The following PALD1 variants were observed in gnomAD, a reference collection of about 807,000 sequenced individuals.
PALD1 encodes phosphatase domain containing paladin 1.
PALD1 carries 57 observed loss-of-function variants against 96.0 expected under a neutral mutation model. That is an observed-to-expected ratio of 0.59 (90% CI 0.48 to 0.74). The LOEUF (loss-of-function observed/expected upper bound fraction) is 0.74. Among genes scored for constraint, PALD1 ranks in the 30% least tolerant of loss-of-function variants. The pLI, the probability that PALD1 is intolerant of heterozygous loss-of-function variation, is 0.00. For missense variants in PALD1, 1,063 were observed against 1,143.7 expected (o/e 0.93, Z 1.02); for synonymous variants, 464 against 473.6 (o/e 0.98, Z 0.26).
intron 1 of PALD1, among the ~76,000 whole-genome samples, chr10:70,507,111 A>T (rs6480457): frequency 0.69 from 104,271 of 151,946 alleles, 35,963 homozygotes; most frequent in Middle Eastern, 0.78. Context: ...ATTAAAAAAA[A>T]TTTTTTTAGG....
chr10:70,563,191 C>T (rs1048400787), intron 18 of PALD1, among the ~76,000 whole-genome samples: 1 of 152,148 alleles, frequency 6.6e-6, no homozygotes, highest in African/African-American at 2.4e-5. Flanking sequence ...AACCGCTGAC[C>T]TGGGATAAAC....
At chr10:70,476,360 A>G (rs531876599), upstream of PALD1, among the ~76,000 whole-genome samples, 3 of 152,160 alleles carry the variant, frequency 2.0e-5, no homozygotes, top group African/African-American at 7.2e-5. Flanking sequence ...CTCCTTCAAC[A>G]TTCAGTCCTT....
At chr10:70,554,770 C>T (rs1847558525) in intron 18 of PALD1, among the ~76,000 whole-genome samples, 2 of 151,856 alleles carry the variant, frequency 1.3e-5, no homozygotes, top group Non-Finnish European at 1.5e-5. Flanking sequence ...TCCTGTTTTC[C>T]TTTCAGAAGA....
intron 1 of PALD1, among the ~76,000 whole-genome samples, chr10:70,519,254 A>G (rs1421184428): frequency 3.9e-5 from 6 of 152,006 alleles, no homozygotes; most frequent in Admixed American, 3.9e-4. Flanking sequence ...CTAATATTTC[A>G]GTCCATTCAG....
chr10:70,527,512 G>A (rs547126375), intron 2 of PALD1, among the ~76,000 whole-genome samples: 1 of 152,184 alleles, frequency 6.6e-6, no homozygotes, highest in Non-Finnish European at 1.5e-5. Flanking sequence ...AGTATCTGTG[G>A]ATGCTTAGGG....
intron 18 of PALD1, among the ~76,000 whole-genome samples, chr10:70,562,085 T>TTG (rs1185950380): frequency 6.6e-6 from 1 of 152,204 alleles, no homozygotes; most frequent in African/African-American, 2.4e-5. Flanking sequence ...ACACGTGCCT[T>TTG]CTCATCCCTC....
At position 70,541,227 on chromosome 10, in the gene PALD1, C is replaced by A; in HGVS notation, c.2034C>A (p.Ala678=). 1 of 1,607,354 alleles carries A rather than the reference C, an allele frequency of 6.2e-7. No homozygotes were observed. The highest frequency in any genetic ancestry group is 2.2e-5 in the East Asian group (1 of 44,830). The change falls in exon 16 of 20, where the codon GCC becomes GCA. Residue 678 remains alanine (A), a synonymous_variant. Coordinates refer to ENST00000263563, the MANE Select transcript of PALD1 (RefSeq NM_014431.3). ...CTGCGATGGTGGTGGCTGTCCTGGC[C>A]TTCTGGCACATCCAAGTACGTGTGG... is the stretch of plus-strand genomic sequence containing the variant. The part of the protein sequence containing the change: ...TTTAMVVAVL[A]FWHIQGFPEV...
chr10:70,566,515 A>G, intron 19 of PALD1, 66 bp from the exon 20 acceptor site: 1 of 1,256,292 alleles, frequency 8.0e-7, no homozygotes, highest in Non-Finnish European at 1.1e-6. Flanking sequence ...CATCTTCAGA[A>G]CTCAGTGGCC....
At chr10:70,507,752 T>TGTGC (rs1554855501) in intron 1 of PALD1, among the ~76,000 whole-genome samples, 1 of 21,160 alleles carries the variant, frequency 4.7e-5, no homozygotes, top group African/African-American at 1.7e-4. Context: ...TGTGTGTGCG[T>TGTGC]GTGTGTGTGT....
chr10:70,509,763 C>G (rs960560205), intron 1 of PALD1, among the ~76,000 whole-genome samples: 1 of 152,160 alleles, frequency 6.6e-6, no homozygotes, highest in African/African-American at 2.4e-5. Flanking sequence ...TGGGGCAGCT[C>G]TGGAACTTCT....
At chr10:70,533,218 G>T in intron 7 of PALD1, 148 bp downstream of exon 7, 1 of 687,338 alleles carries the variant, frequency 1.5e-6, no homozygotes, top group South Asian at 1.8e-5. Flanking sequence ...ACGTGTGTTG[G>T]TGTCTGTCTC....
intron 18 of PALD1, among the ~76,000 whole-genome samples, chr10:70,549,702 G>A (rs1421184788): frequency 6.6e-6 from 1 of 152,262 alleles, no homozygotes; most frequent in Non-Finnish European, 1.5e-5. Flanking sequence ...TATTGGAGAT[G>A]AGTTGGTATG....
Position 70,497,205 on chromosome 10 carries a change from G to A in PALD1, c.-30+18146G>A, listed in dbSNP as rs535019429. On this transcript the variant is annotated intron_variant, in intron 1 of 19. Transcript: ENST00000263563. ...TTGGTGCTGGCCAGGCACAGACCCCGATCAGCACATAGGGGCTGTACTGGC... is the reference window on the plus strand; with the variant it reads ...TTGGTGCTGGCCAGGCACAGACCCCAATCAGCACATAGGGGCTGTACTGGC... Among the ~76,000 whole-genome samples the A allele has an allele frequency of 3.9e-5, 6 of 152,354 alleles. 1 individual carries two copies. In the East Asian group the frequency reaches 1.2e-3, roughly 29 times the overall value.
At position 70,534,108 on chromosome 10, in the gene PALD1, G is replaced by A. The variant is rs1343909891; in HGVS notation, c.1022+35G>A. ...CCGGGGCCCAGCGTCCTGAAGGGCT[G>A]TGGGGCCGAGGAGGGGACAGGCTGC... On this transcript the variant is annotated intron_variant, in intron 8 of 19. Transcript: ENST00000263563. 1.2e-5 allele frequency: 19 copies of A among 1,535,028 alleles called. 1 individual carries two copies. In the South Asian group the frequency reaches 1.7e-4, roughly 14 times the overall value.
At chr10:70,525,256 C>G (rs995214355) in intron 1 of PALD1, among the ~76,000 whole-genome samples, 2 of 152,014 alleles carry the variant, frequency 1.3e-5, no homozygotes, top group African/African-American at 4.8e-5. Flanking sequence ...AAGCGATCTG[C>G]CTGCCTCAGC....
chr10:70,524,876 C>G (rs1846820460), intron 1 of PALD1, among the ~76,000 whole-genome samples: 1 of 152,248 alleles, frequency 6.6e-6, no homozygotes, highest in South Asian at 2.1e-4. Flanking sequence ...ACTTTGTGTA[C>G]ACATCCTCAA....
At chr10:70,495,420 T>C (rs1846176995) in intron 1 of PALD1, among the ~76,000 whole-genome samples, 1 of 152,190 alleles carries the variant, frequency 6.6e-6, no homozygotes, top group African/African-American at 2.4e-5. Context: ...GGTCAGTACT[T>C]CGCAGCTGTT....
At chr10:70,555,740 G>A (rs1163414669) in intron 18 of PALD1, among the ~76,000 whole-genome samples, 2 of 152,190 alleles carry the variant, frequency 1.3e-5, no homozygotes, top group East Asian at 1.9e-4. Context: ...AGTGGCTCCC[G>A]CCTGTAATCC....
chr10:70,566,933 A>G lies in PALD1; in HGVS notation c.*200A>G. 1 of 558,330 alleles carries G rather than the reference A, an allele frequency of 1.8e-6. No homozygotes were observed. The highest frequency in any genetic ancestry group is 2.4e-5 in the South Asian group (1 of 41,244). 34.6% of individuals were successfully genotyped at this position (558,330 alleles called of 1,614,324 possible). A position where few individuals can be genotyped will look rare whatever the true frequency, so the allele number is the denominator to read the frequency against. On this transcript the variant is annotated 3_prime_UTR_variant, in exon 20 of 20. Transcript: ENST00000263563. The stretch of plus-strand genomic sequence containing the variant: ...GGAGACAGCACAGCCATCCCTTGCA[A>G]ACCACCAAGGTGTGTGGCTGACCTC...
Sources: gnomAD v4.1 joint callset for allele counts (sites outside exome capture counted in the v4.1 genomes callset) on GRCh38, gnomAD v4.1.1 for gene constraint, MANE v1.5 for transcripts, NCBI Gene and HGNC (gene_info 2026-07-23, HGNC 2026-07-21) for gene names.